The following TEX9 variants were observed in gnomAD, a reference collection of about 807,000 sequenced individuals.
The protein encoded by TEX9 is testis-expressed protein 9.
Under a neutral mutation model 59.6 loss-of-function variants are expected in TEX9, and 74 were observed. The ratio of observed to expected loss-of-function variants is 1.24; its 90% CI spans 1.03 to 1.51. TEX9 has a LOEUF of 1.51. Among genes scored for constraint, TEX9 ranks in the 40% most tolerant of loss-of-function variants. The pLI, the probability that TEX9 is intolerant of heterozygous loss-of-function variation, is 0.00. For missense variants in TEX9, 522 were observed against 447.8 expected, an observed-to-expected ratio of 1.17 and a Z score of -1.49; for synonymous variants, 186 against 152.2, an observed-to-expected ratio of 1.22 and a Z score of -1.64.
intron 1 of TEX9, among the ~76,000 whole-genome samples, chr15:56,320,374 C>G (rs1275398640): frequency 6.6e-6 from 1 of 152,132 alleles, no homozygotes; most frequent in African/African-American, 2.4e-5. Context: ...AGTCTCAGAT[C>G]AAGGTTCTAG....
chr15:56,314,887 C>A (rs2045715769), intron 1 of TEX9, among the ~76,000 whole-genome samples: 1 of 151,742 alleles, frequency 6.6e-6, no homozygotes, highest in African/African-American at 2.4e-5. Flanking sequence ...TTGAATTGAT[C>A]CCTTTACCAT....
At chr15:56,401,328 AAAAAC>A (rs2048767200) in intron 9 of TEX9, among the ~76,000 whole-genome samples, 1 of 150,802 alleles carries the variant, frequency 6.6e-6, no homozygotes, top group Non-Finnish European at 1.5e-5. Flanking sequence ...AAAAAAAAAA[AAAAAC>A]AGGGGTTGCA....
chr15:56,441,419 G>A (rs1490937069), intron 12 of TEX9, among the ~76,000 whole-genome samples: 3 of 152,014 alleles, frequency 2.0e-5, no homozygotes, highest in Admixed American at 1.3e-4. Context: ...CTTTCAATAC[G>A]ATATCCTGCG....
chr15:56,254,890 A>G (rs1215938726), intron 1 of TEX9, among the ~76,000 whole-genome samples: 1 of 151,804 alleles, frequency 6.6e-6, no homozygotes, highest in East Asian at 1.9e-4. Context: ...TAAAAACATG[A>G]TTTTTGAAAT....
In TEX9 at chr15:56,292,192, A is replaced by G. The variant is rs563847718; in HGVS notation, c.-107+47914A>G. ...TGCAGCATCATGTTCTTGGAGATTT[A>G]GGATCTGTGGGTCTACAGGTCTGTA... On this transcript the variant is annotated intron_variant, in intron 1 of 5. Coordinates refer to the TEX9 transcript ENST00000560827. Among the ~76,000 whole-genome samples the G allele has an allele frequency of 6.6e-5, 10 of 152,340 alleles. No homozygotes were observed. The East Asian group carries it at 1.9e-3, about 29-fold the overall frequency.
chr15:56,331,332 C>A (rs1306409330), intron 1 of TEX9, among the ~76,000 whole-genome samples: 4 of 152,138 alleles, frequency 2.6e-5, no homozygotes, highest in Non-Finnish European at 5.9e-5. Context: ...AACATTTCAT[C>A]CAAGGGCTGC....
intron 1 of TEX9, among the ~76,000 whole-genome samples, chr15:56,259,174 A>T (rs2044210321): frequency 6.6e-6 from 1 of 151,986 alleles, no homozygotes; most frequent in Admixed American, 6.6e-5. Flanking sequence ...TTTATGGCCC[A>T]TGTGACCTGC....
intron 12 of TEX9, chr15:56,428,552 G>T: frequency 1.4e-6 from 1 of 703,488 alleles, no homozygotes; most frequent in Non-Finnish European, 2.3e-6. Context: ...ATTTGATTAT[G>T]AAAGCAAAAT....
At chr15:56,271,484 A>G (rs1372325436) in intron 1 of TEX9, among the ~76,000 whole-genome samples, 2 of 152,112 alleles carry the variant, frequency 1.3e-5, no homozygotes, top group Non-Finnish European at 2.9e-5. Flanking sequence ...TTTCCTCTCA[A>G]GATGGGGTTT....
intron 1 of TEX9, among the ~76,000 whole-genome samples, chr15:56,300,060 G>A (rs2713908): frequency 0.35 from 52,922 of 151,916 alleles, 10,599 homozygotes; most frequent in Non-Finnish European, 0.45. Context: ...AGCACCAAGC[G>A]GGTTCCCGGG....
chr15:56,358,016 C>G (rs138254378), intron 1 of TEX9, among the ~76,000 whole-genome samples: 132 of 152,176 alleles, frequency 8.7e-4, no homozygotes, highest in African/African-American at 3.2e-3. Context: ...GTGGGCTTAA[C>G]TAGAAATTTT....
chr15:56,456,500 TC>T, the TEX9 span: 1 of 1,611,138 alleles, frequency 6.2e-7, no homozygotes, highest in Non-Finnish European at 8.5e-7. Context: ...TGGAGTTCTT[TC>T]AATCTCTTGT....
intron 12 of TEX9, chr15:56,431,486 C>G (rs767836618): frequency 1.2e-6 from 2 of 1,613,682 alleles, no homozygotes; most frequent in African/African-American, 1.3e-5. Flanking sequence ...TGCCACTCTT[C>G]TAGTTCACGT....
At chr15:56,440,940 T>C (rs1183146955) in intron 12 of TEX9, among the ~76,000 whole-genome samples, 3 of 152,174 alleles carry the variant, frequency 2.0e-5, no homozygotes, top group African/African-American at 7.2e-5. Context: ...TGAATAATGC[T>C]GCATAAACAT....
At chr15:56,396,159 C>T (rs541628636) in intron 9 of TEX9, 1 of 151,988 alleles carries the variant, frequency 6.6e-6, no homozygotes, top group Non-Finnish European at 1.5e-5. Context: ...TAGCATATCC[C>T]GAGATTTAGT....
At chr15:56,311,799 G>T (rs2045625429) in intron 1 of TEX9, among the ~76,000 whole-genome samples, 1 of 147,948 alleles carries the variant, frequency 6.8e-6, no homozygotes, top group African/African-American at 2.5e-5. Context: ...ATCCTCTCCA[G>T]CACCTGTTGT....
intron 1 of TEX9, among the ~76,000 whole-genome samples, chr15:56,296,015 A>G (rs1355872989): frequency 6.6e-6 from 1 of 152,170 alleles, no homozygotes; most frequent in Admixed American, 6.5e-5. Flanking sequence ...CCAAATTTCA[A>G]TGCGGTCTGA....
At chr15:56,388,079 G>A (rs2048042041) in intron 4 of TEX9, among the ~76,000 whole-genome samples, 1 of 151,904 alleles carries the variant, frequency 6.6e-6, no homozygotes, top group Non-Finnish European at 1.5e-5. Flanking sequence ...AGGAAAACAG[G>A]CACTAACCAG....
At chr15:56,361,875 A>G (rs1301068161), upstream of TEX9, among the ~76,000 whole-genome samples, 8 of 152,184 alleles carry the variant, frequency 5.3e-5, no homozygotes, top group Non-Finnish European at 2.9e-5. Context: ...GAGGCAAAGA[A>G]AGAGTCTCCC....
Sources: allele counts gnomAD v4.1 joint callset (sites outside exome capture counted in the v4.1 genomes callset), GRCh38; gene constraint gnomAD v4.1.1; transcripts MANE v1.5; gene names NCBI Gene and HGNC (gene_info 2026-07-23, HGNC 2026-07-21).